DMD: variants seen among roughly 807,000 people sequenced by gnomAD.
The protein encoded by DMD is dystrophin.
A neutral mutation model predicts 330.1 loss-of-function variants in DMD; 63 were observed. The ratio of observed to expected loss-of-function variants is 0.19; its 90% confidence interval spans 0.16 to 0.24. DMD has a LOEUF of 0.24. Among genes scored for constraint, DMD ranks in the 10% least tolerant of loss-of-function variants. The pLI is 1.00. For synonymous variants in DMD, 1,223 were observed against 959.8 expected, an observed-to-expected ratio of 1.27 and a Z score of -5.07; for missense variants, 3,344 against 2,684.1, an observed-to-expected ratio of 1.25 and a Z score of -5.43.
At chrX:33,102,903 A>G (rs1203205188) in intron 1 of DMD, among the ~76,000 whole-genome samples, 3 of 112,217 alleles carry the variant, frequency 2.7e-5, no homozygotes, top group Admixed American at 1.9e-4. Context: ...TCTCATGCAC[A>G]TACTTAAACC....
At chrX:33,033,315 C>A (rs2094146146) in intron 1 of DMD, among the ~76,000 whole-genome samples, 1 of 109,526 alleles carries the variant, frequency 9.1e-6, no homozygotes, top group Admixed American at 9.7e-5. Flanking sequence ...CAGGACTACA[C>A]CGAGAACACG....
At chrX:31,682,911 C>T (rs1288835103) in intron 52 of DMD, among the ~76,000 whole-genome samples, 1 of 111,945 alleles carries the variant, frequency 8.9e-6, no homozygotes, top group Non-Finnish European at 1.9e-5. Flanking sequence ...AAAGATAAAG[C>T]AGTTCTTCCT....
intron 11 of DMD, among the ~76,000 whole-genome samples, chrX:32,629,896 T>G (rs1207286438): frequency 9.0e-6 from 1 of 111,171 alleles, no homozygotes; most frequent in East Asian, 2.8e-4. Context: ...TGAAAAGTTG[T>G]TGCAGTTATT....
At chrX:33,094,868 G>A (rs1404048760) in intron 1 of DMD, among the ~76,000 whole-genome samples, 2 of 110,333 alleles carry the variant, frequency 1.8e-5, no homozygotes, top group African/African-American at 6.6e-5. Context: ...GGGATCAAGG[G>A]CATTTTGAGG....
At chrX:32,987,681 G>A (rs2092879940) in intron 2 of DMD, among the ~76,000 whole-genome samples, 1 of 110,762 alleles carries the variant, frequency 9.0e-6, no homozygotes, top group Non-Finnish European at 1.9e-5. Context: ...TAATCAACCT[G>A]ATTCTACCCT....
chrX:33,268,907 C>CAAAAAAAA (rs202219233), intron 1 of DMD, among the ~76,000 whole-genome samples: 2 of 43,292 alleles, frequency 4.6e-5, no homozygotes. Flanking sequence ...GCCTGGGTGA[C>CAAAAAAAA]AAAAAAAAAA....
chrX:32,777,277 T>TGGGGGGGGGGGGGGTGGGG (rs546914107), intron 7 of DMD, among the ~76,000 whole-genome samples: 6 of 2,107 alleles, frequency 2.8e-3, no homozygotes, highest in Admixed American at 5.5e-3. Context: ...GGTTTCTGGT[T>TGGGGGGGGGGGGGGTGGGG]GGGGGGGGAA....
chrX:33,076,933 TG>T (rs1297913454), intron 1 of DMD, among the ~76,000 whole-genome samples: 2 of 110,678 alleles, frequency 1.8e-5, no homozygotes, highest in East Asian at 2.9e-4. Flanking sequence ...ACTTGGTGGG[TG>T]GGGGGAAGCC....
chrX:33,163,618 C>CTCTATCTA (rs74647711), intron 1 of DMD, among the ~76,000 whole-genome samples: 1,786 of 24,830 alleles, frequency 0.072, 25 homozygotes, highest in South Asian at 0.15. Context: ...CTATATCTAT[C>CTCTATCTA]TCTATCTATC....
intron 43 of DMD, among the ~76,000 whole-genome samples, chrX:32,231,901 AAG>A (rs1216706806): frequency 8.9e-6 from 1 of 112,061 alleles, no homozygotes; most frequent in African/African-American, 3.2e-5. Context: ...TTTCCAAAGA[AAG>A]AAAAAAATTC....
intron 43 of DMD, among the ~76,000 whole-genome samples, chrX:32,245,684 TG>T (rs1411895945): frequency 2.2e-5 from 1 of 45,998 alleles, no homozygotes; most frequent in Non-Finnish European, 3.7e-5. Context: ...TCACATCCCT[TG>T]TAAGTTGGAT....
At chrX:31,860,457 A>G (rs989828353) in intron 48 of DMD, among the ~76,000 whole-genome samples, 3 of 111,846 alleles carry the variant, frequency 2.7e-5, no homozygotes, top group African/African-American at 9.8e-5. Flanking sequence ...TAAAACAAAT[A>G]GCAGTGAGAG....
At chrX:32,720,466 G>A (rs756447417) in intron 7 of DMD, among the ~76,000 whole-genome samples, 16 of 111,798 alleles carry the variant, frequency 1.4e-4, no homozygotes, top group Non-Finnish European at 2.6e-4. Flanking sequence ...AATGTTATTC[G>A]ATTCACATTG....
intron 47 of DMD, among the ~76,000 whole-genome samples, chrX:31,918,069 C>A (rs1390110839): frequency 8.9e-6 from 1 of 112,475 alleles, no homozygotes; most frequent in African/African-American, 3.2e-5. Flanking sequence ...CAAGGACCTG[C>A]CGTACATTAA....
At chrX:33,013,418 T>G (rs1453278131) in intron 2 of DMD, among the ~76,000 whole-genome samples, 3 of 111,423 alleles carry the variant, frequency 2.7e-5, no homozygotes, top group Non-Finnish European at 5.7e-5. Flanking sequence ...ACTAAATAAT[T>G]CAATTGTTAC....
chrX:32,039,544 G>A (rs1012675666), intron 44 of DMD, among the ~76,000 whole-genome samples: 1 of 111,175 alleles, frequency 9.0e-6, no homozygotes, highest in African/African-American at 3.3e-5. Context: ...TCAAGTCCAA[G>A]TTCCCAGGGC....
intron 1 of DMD, among the ~76,000 whole-genome samples, chrX:33,307,364 T>C (rs1271760525): frequency 8.9e-6 from 1 of 112,243 alleles, no homozygotes; most frequent in East Asian, 2.8e-4. Context: ...TAAAAGAGTT[T>C]GACATTTCAC....
chrX:32,434,936 A>G lies in DMD; in HGVS notation c.4071+3305T>C, dbSNP rs1051388530. 3.6e-5 allele frequency among the ~76,000 whole-genome samples: 4 copies of G among 110,850 alleles called. No individual in the cohort carries two copies. In the Admixed American group the frequency reaches 3.9e-4, roughly 11 times the overall value. ...TAAATATGCTTTATTTTCATTGTCA[A>G]ATAACTCCCAGGTTATTACTGGCCA... On this transcript the variant is annotated intron_variant, in intron 29 of 78. Coordinates refer to ENST00000357033, the MANE Select transcript of DMD (RefSeq NM_004006.3).
At chrX:33,251,960 C>T (rs1001795268) in intron 1 of DMD, among the ~76,000 whole-genome samples, 1 of 112,315 alleles carries the variant, frequency 8.9e-6, no homozygotes, top group Non-Finnish European at 1.9e-5. Context: ...AGGATTCAAA[C>T]AATTCCAACT....
Sources: gnomAD v4.1 joint callset for allele counts (sites outside exome capture counted in the v4.1 genomes callset) on GRCh38, gnomAD v4.1.1 for gene constraint, MANE v1.5 for transcripts, NCBI Gene and HGNC (gene_info 2026-07-23, HGNC 2026-07-21) for gene names.